Variants in PDE7A observed in about 807,000 individuals in gnomAD.
PDE7A encodes high affinity 3',5'-cyclic-AMP phosphodiesterase 7A.
Under a neutral mutation model 64.3 loss-of-function variants are expected in PDE7A, and 39 were observed. The ratio of observed to expected loss-of-function variants is 0.61; its 90% CI spans 0.47 to 0.79. The LOEUF is 0.79. Among genes scored for constraint, PDE7A ranks in the 30% least tolerant of loss-of-function variants. The pLI, the probability that PDE7A is intolerant of heterozygous loss-of-function variation, is 0.00. For missense variants in PDE7A, 470 were observed against 582.8 expected (o/e 0.81, Z 1.99); for synonymous variants, 203 against 206.8 (o/e 0.98, Z 0.16).
At chr8:65,762,349 A>G (rs1808538789) in intron 3 of PDE7A, among the ~76,000 whole-genome samples, 1 of 152,330 alleles carries the variant, frequency 6.6e-6, no homozygotes, top group East Asian at 1.9e-4. Context: ...TACATTTAGC[A>G]TGCATGAATG....
chr8:65,802,182 G>GAAT (rs1263537013), intron 1 of PDE7A, among the ~76,000 whole-genome samples: 1 of 152,134 alleles, frequency 6.6e-6, no homozygotes, highest in African/African-American at 2.4e-5. Flanking sequence ...GGAGAGCAGG[G>GAAT]AATAGCAAGT....
chr8:65,744,769 C>G (rs1807596672), intron 5 of PDE7A, among the ~76,000 whole-genome samples: 1 of 152,198 alleles, frequency 6.6e-6, no homozygotes, highest in South Asian at 2.1e-4. Context: ...TTAATAATAG[C>G]AGCGGCAATT....
At chr8:65,741,553 C>T (rs956503964) in intron 5 of PDE7A, among the ~76,000 whole-genome samples, 6 of 152,164 alleles carry the variant, frequency 3.9e-5, no homozygotes, top group African/African-American at 1.4e-4. Context: ...AACTACCTGA[C>T]GTATCACCTT....
At chr8:65,810,506 A>T (rs927981848) in intron 1 of PDE7A, among the ~76,000 whole-genome samples, 1 of 152,256 alleles carries the variant, frequency 6.6e-6, no homozygotes, top group African/African-American at 2.4e-5. Flanking sequence ...TAAAAAAAGT[A>T]TTGCTGTAAA....
chr8:65,839,621 T>G (rs1811029277), intron 1 of PDE7A, among the ~76,000 whole-genome samples: 1 of 152,228 alleles, frequency 6.6e-6, no homozygotes, highest in Non-Finnish European at 1.5e-5. Context: ...ACTTTGGGGT[T>G]CAGAAATTTT....
At chr8:65,815,068 G>A (rs1283766666) in intron 1 of PDE7A, among the ~76,000 whole-genome samples, 1 of 148,472 alleles carries the variant, frequency 6.7e-6, no homozygotes, top group Non-Finnish European at 1.5e-5. Context: ...GTGACAGAGT[G>A]AGACTCCATC....
At chr8:65,729,239 A>G (rs367941865) in intron 7 of PDE7A, among the ~76,000 whole-genome samples, 70 of 152,282 alleles carry the variant, frequency 4.6e-4, no homozygotes, top group African/African-American at 1.7e-3. Context: ...CTTTTTCAAT[A>G]AAATAGAAAA....
intron 3 of PDE7A, among the ~76,000 whole-genome samples, chr8:65,774,726 A>G (rs2128922169): frequency 6.6e-6 from 1 of 152,020 alleles, no homozygotes; most frequent in African/African-American, 2.4e-5. Context: ...TAAAAAATTT[A>G]TTACTATAAA....
intron 1 of PDE7A, among the ~76,000 whole-genome samples, chr8:65,803,698 T>G (rs1432664606): frequency 6.6e-6 from 1 of 152,258 alleles, no homozygotes. Context: ...AACATTATTG[T>G]GAATTTATGT....
At chr8:65,825,111 T>C (rs1173186042) in intron 1 of PDE7A, among the ~76,000 whole-genome samples, 3 of 152,178 alleles carry the variant, frequency 2.0e-5, no homozygotes, top group African/African-American at 7.2e-5. Flanking sequence ...ATCATCACAA[T>C]ATTTTTACAT....
intron 1 of PDE7A, among the ~76,000 whole-genome samples, chr8:65,825,847 G>A (rs965559854): frequency 5.9e-5 from 9 of 152,176 alleles, no homozygotes; most frequent in African/African-American, 1.2e-4. Flanking sequence ...ATTCAATGGC[G>A]GTGAAGGTGG....
intron 3 of PDE7A, 81 bp from the exon 4 acceptor site, chr8:65,747,884 G>A: frequency 8.3e-6 from 6 of 719,886 alleles, no homozygotes; most frequent in Non-Finnish European, 1.3e-5. Flanking sequence ...TTTTAGTTAT[G>A]TACAAGTATT....
At chr8:65,759,549 C>T (rs1448448984) in intron 3 of PDE7A, among the ~76,000 whole-genome samples, 1 of 152,214 alleles carries the variant, frequency 6.6e-6, no homozygotes, top group Non-Finnish European at 1.5e-5. Context: ...CTCCCTTCAA[C>T]AAGTACTCTC....
At chr8:65,727,397 G>C in intron 7 of PDE7A, 96 bp from the exon 8 acceptor site, 1 of 1,525,996 alleles carries the variant, frequency 6.6e-7, no homozygotes, top group East Asian at 2.4e-5. Flanking sequence ...TGGTAGTGGT[G>C]GTAATCTCCT....
At chr8:65,814,986 C>A (rs543379292) in intron 1 of PDE7A, among the ~76,000 whole-genome samples, 1 of 151,794 alleles carries the variant, frequency 6.6e-6, no homozygotes, top group Admixed American at 6.6e-5. Context: ...GAGGCTGAGG[C>A]AGGAGAATTG....
At chr8:65,753,547 T>TA (rs2128909708) in intron 3 of PDE7A, among the ~76,000 whole-genome samples, 1 of 151,658 alleles carries the variant, frequency 6.6e-6, no homozygotes, top group African/African-American at 2.4e-5. Flanking sequence ...AAAGAAAAAT[T>TA]AAGACTTCTT....
intron 12 of PDE7A, chr8:65,721,746 A>C (rs1406446482): frequency 6.6e-6 from 1 of 152,102 alleles, no homozygotes; most frequent in African/African-American, 2.4e-5. Context: ...TATTAAAAGT[A>C]ACTGAGTTGA....
chr8:65,836,812 CTAGTGACTATCATCAGA>C (rs1810961851), intron 1 of PDE7A, among the ~76,000 whole-genome samples: 1 of 152,192 alleles, frequency 6.6e-6, no homozygotes, highest in Admixed American at 6.5e-5. Context: ...CCACATAAGG[CTAGTGACTATCATCAGA>C]TAGTGCAAAA....
At chr8:65,815,793 ACAAAACT>A (rs1810386981) in intron 1 of PDE7A, among the ~76,000 whole-genome samples, 1 of 152,232 alleles carries the variant, frequency 6.6e-6, no homozygotes, top group Non-Finnish European at 1.5e-5. Context: ...ACTAACTTTT[ACAAAACT>A]ATCACTTCTT....
Sources: gnomAD v4.1 joint callset for allele counts (sites outside exome capture counted in the v4.1 genomes callset) on GRCh38, gnomAD v4.1.1 for gene constraint, MANE v1.5 for transcripts, NCBI Gene and HGNC (gene_info 2026-07-23, HGNC 2026-07-21) for gene names.